Variants in GPATCH2L observed in about 807,000 individuals in gnomAD.
GPATCH2L encodes the protein G patch domain-containing protein 2-like.
A neutral mutation model predicts 57.4 loss-of-function variants in GPATCH2L; 31 were observed. The ratio of observed to expected loss-of-function variants is 0.54; its 90% CI spans 0.41 to 0.73. The LOEUF (loss-of-function observed/expected upper bound fraction) is 0.73, where lower values mean the gene tolerates loss of function less well. Among genes scored for constraint, GPATCH2L ranks in the 30% least tolerant of loss-of-function variants. The pLI is 0.00. For missense variants in GPATCH2L, 481 were observed against 599.9 expected, an observed-to-expected ratio of 0.80 and a Z score of 2.07; for synonymous variants, 199 against 210.7, an observed-to-expected ratio of 0.94 and a Z score of 0.48.
rs564826737 is a variant in GPATCH2L at position 76,202,021 on chromosome 14, G to T, written c.*170G>T. 281 of 513,310 alleles carry T rather than the reference G, an allele frequency of 5.5e-4. No homozygotes were observed. Among genetic ancestry groups the T allele is most frequent in the Non-Finnish European group, 7.8e-4 (232 of 297,828 alleles). The allele number at this position is 513,310 out of a possible 1,614,324, so 31.8% of individuals were successfully genotyped here. A position where few individuals can be genotyped will look rare whatever the true frequency, so the allele number is the denominator to read the frequency against. ...ATTCTTTCTCTCAGAAGATCATGTT[G>T]TGGGAATCTTTTTTTTAAATAGTGA... is the stretch of plus-strand genomic sequence containing the variant. On this transcript the variant is annotated 3_prime_UTR_variant, in exon 10 of 10. Coordinates refer to ENST00000261530, the MANE Select transcript of GPATCH2L (RefSeq NM_017926.4).
chr14:76,235,168 C>CA (rs34157061), intron 2 of GPATCH2L, among the ~76,000 whole-genome samples: 33,439 of 98,322 alleles, frequency 0.34, 4,463 homozygotes, highest in Middle Eastern at 0.47. Flanking sequence ...AACTCTGTCT[C>CA]AAAAAAAAAA....
chr14:76,190,941 T>C (rs144411559), intron 8 of GPATCH2L, among the ~76,000 whole-genome samples: 247 of 152,278 alleles, frequency 1.6e-3, no homozygotes, highest in African/African-American at 5.5e-3. Flanking sequence ...CTTTAACTTA[T>C]ACTTAGCCTT....
chr14:76,186,424 C>G (rs547012968), intron 8 of GPATCH2L, among the ~76,000 whole-genome samples: 1 of 152,170 alleles, frequency 6.6e-6, no homozygotes, highest in Non-Finnish European at 1.5e-5. Flanking sequence ...GAAGAAGACT[C>G]ACTTCATGCT....
chr14:76,171,197 G>A lies in GPATCH2L; in HGVS notation c.728-646G>A, dbSNP rs1040580357. Among the ~76,000 whole-genome samples the A allele has an allele frequency of 5.3e-5, 8 of 152,050 alleles. No homozygotes were observed. The East Asian group carries it at 7.7e-4, about 15-fold the overall frequency. ...TAATTCCAGCACTTTGAGAGGCTGA[G>A]GTGGGTGGGAGGATTGCTTGAGCCC... On this transcript the variant is annotated intron_variant, in intron 3 of 9. Transcript: ENST00000261530.
chr14:76,211,087 T>C lies in GPATCH2L; in HGVS notation c.*9236T>C, dbSNP rs558653463. 1 of 152,274 alleles carries C rather than the reference T, an allele frequency of 6.6e-6. No individual in the cohort carries two copies. Among genetic ancestry groups the C allele is most frequent in the East Asian group, 1.9e-4 (1 of 5,186 alleles). 9.4% of individuals were successfully genotyped at this position (152,274 alleles called of 1,614,324 possible). On this transcript the variant is annotated 3_prime_UTR_variant, in exon 10 of 10. Transcript: ENST00000261530. The stretch of plus-strand genomic sequence containing the variant: ...AAACATTGAAAGAAATCCTGAAGGA[T>C]AAGCAGGAGTTAAGAAGAGTGGATG...
In GPATCH2L at chr14:76,206,376, A is replaced by T. The variant is rs945036011; in HGVS notation, c.*4525A>T. The T allele has an allele frequency of 2.0e-5, 3 of 152,224 alleles. No homozygotes were observed. Among genetic ancestry groups the T allele is most frequent in the African/African-American group, 7.2e-5 (3 of 41,452 alleles). The allele number at this position is 152,224 out of a possible 1,614,324, so 9.4% of individuals were successfully genotyped here. A position where few individuals can be genotyped will look rare whatever the true frequency, so the allele number is the denominator to read the frequency against. ...ATCAAAAAGAAGGAAGATGAGAAGT[A>T]TTGTTGAAGAGTATGGACCTACAGG... On this transcript the variant is annotated 3_prime_UTR_variant, in exon 10 of 10. Transcript: ENST00000261530.
At chr14:76,182,585 C>T (rs75074631) in intron 8 of GPATCH2L, among the ~76,000 whole-genome samples, 1 of 84,814 alleles carries the variant, frequency 1.2e-5, no homozygotes, top group African/African-American at 4.6e-5. Flanking sequence ...GACCCTGTCT[C>T]AAAAAAAAAA....
intron 8 of GPATCH2L, among the ~76,000 whole-genome samples, chr14:76,184,500 CG>C (rs2039695734): frequency 9.8e-6 from 1 of 101,936 alleles, no homozygotes; most frequent in Admixed American, 1.2e-4. Context: ...TAGGTGGGGG[CG>C]GGGGGCATTG....
intron 8 of GPATCH2L, among the ~76,000 whole-genome samples, chr14:76,188,608 C>T (rs2039857684): frequency 1.3e-5 from 2 of 151,962 alleles, no homozygotes; most frequent in Non-Finnish European, 2.9e-5. Flanking sequence ...ATTATTAACC[C>T]TTTGTCAAAT....
intron 9 of GPATCH2L, among the ~76,000 whole-genome samples, chr14:76,199,011 T>C (rs2040237913): frequency 6.6e-6 from 1 of 152,210 alleles, no homozygotes; most frequent in Non-Finnish European, 1.5e-5. Flanking sequence ...TATTGCCCAC[T>C]GTGTCTTTTT....
chr14:76,158,277 C>A (rs1015523658), intron 2 of GPATCH2L, among the ~76,000 whole-genome samples: 9 of 152,136 alleles, frequency 5.9e-5, no homozygotes, highest in African/African-American at 1.9e-4. Flanking sequence ...AGTGCTAAAC[C>A]TACCCACTCC....
intron 8 of GPATCH2L, 142 bp from the exon 9 acceptor site, chr14:76,195,735 GT>G: frequency 1.5e-6 from 1 of 665,476 alleles, no homozygotes; most frequent in Non-Finnish European, 2.7e-6. Flanking sequence ...TCTGAATAAT[GT>G]TGTCCCAATG....
At chr14:76,164,167 C>T (rs547494870) in intron 2 of GPATCH2L, among the ~76,000 whole-genome samples, 27 of 152,322 alleles carry the variant, frequency 1.8e-4, no homozygotes, top group East Asian at 1.5e-3. Context: ...ATCCAGCTAA[C>T]GTGCACAGGC....
In GPATCH2L at chr14:76,212,263, G is replaced by A. The variant is rs552357578; in HGVS notation, c.*10412G>A. On this transcript the variant is annotated 3_prime_UTR_variant, in exon 10 of 10. Coordinates refer to ENST00000261530, the MANE Select transcript of GPATCH2L (RefSeq NM_017926.4). ...AAAGTAAACTTATCTGTAGATAAAA[G>A]GCAAAAATGTCAGCAAACACTAATT... The A allele has an allele frequency of 6.6e-6, 1 of 152,102 alleles. No homozygotes were observed. Among genetic ancestry groups the A allele is most frequent in the South Asian group, 2.1e-4 (1 of 4,816 alleles). The allele number at this position is 152,102 out of a possible 1,614,324, so 9.4% of individuals were successfully genotyped here. A position where few individuals can be genotyped will look rare whatever the true frequency, so the allele number is the denominator to read the frequency against.
intron 5 of GPATCH2L, chr14:76,175,926 CAAGTT>C (rs1367512740): frequency 2.0e-5 from 3 of 152,150 alleles, no homozygotes; most frequent in African/African-American, 7.2e-5. Context: ...TGAATGTACT[CAAGTT>C]AAATGAAGAG....
At chr14:76,173,476 T>C in intron 4 of GPATCH2L, 70 bp from the exon 5 acceptor site, 1 of 917,968 alleles carries the variant, frequency 1.1e-6, no homozygotes, top group Non-Finnish European at 1.7e-6. Context: ...AAGCCTTCAG[T>C]GTACTAGAAA....
rs2040393968 is a variant in GPATCH2L, at chr14:76,207,615, G to A, written c.*5764G>A. The A allele has an allele frequency of 6.6e-6, 1 of 152,070 alleles. No homozygotes were observed. The highest frequency in any genetic ancestry group is 2.4e-5 in the African/African-American group (1 of 41,394). The allele number at this position is 152,070 out of a possible 1,614,324, so 9.4% of individuals were successfully genotyped here. ...TGAGTTATTGGTAATCTCTTGCTAG[G>A]ACTGAATCTCAGTACTTCAGAGCAT... On this transcript the variant is annotated 3_prime_UTR_variant, in exon 10 of 10. Coordinates refer to ENST00000261530, the MANE Select transcript of GPATCH2L (RefSeq NM_017926.4).
rs1376386781 is a variant in GPATCH2L at position 76,204,439 on chromosome 14, G to C, written c.*2588G>C. On this transcript the variant is annotated 3_prime_UTR_variant, in exon 10 of 10. Transcript: ENST00000261530. Reference sequence around the variant, plus strand: ...TGCTCCTCATTTTAAGGTGCTGTACGTGCATGTTTAAGGAATTATTAATCA... The same window carrying C: ...TGCTCCTCATTTTAAGGTGCTGTACCTGCATGTTTAAGGAATTATTAATCA... 6.6e-6 allele frequency: 1 copy of C among 152,134 alleles called. No individual in the cohort carries two copies. Among genetic ancestry groups the C allele is most frequent in the South Asian group, 2.1e-4 (1 of 4,832 alleles). The allele number at this position is 152,134 out of a possible 1,614,324, so 9.4% of individuals were successfully genotyped here.
intron 2 of GPATCH2L, among the ~76,000 whole-genome samples, chr14:76,231,014 A>G (rs2040558811): frequency 6.6e-6 from 1 of 152,254 alleles, no homozygotes; most frequent in African/African-American, 2.4e-5. Context: ...TTTAAAAAGC[A>G]GGAGCCATTT....
Sources: allele counts gnomAD v4.1 joint callset (sites outside exome capture counted in the v4.1 genomes callset), GRCh38; gene constraint gnomAD v4.1.1; transcripts MANE v1.5; gene names NCBI Gene and HGNC (gene_info 2026-07-23, HGNC 2026-07-21).